The following MAP4K4 variants were observed in gnomAD, a reference collection of about 807,000 sequenced individuals.
The protein encoded by MAP4K4 is HPK/GCK-like kinase HGK.
MAP4K4 carries 38 observed loss-of-function variants against 189.6 expected under a neutral mutation model. That is an observed-to-expected ratio of 0.20 (90% CI 0.15 to 0.26). The LOEUF (loss-of-function observed/expected upper bound fraction) is 0.26. Ranked by LOEUF, MAP4K4 falls within the 10% of genes least tolerant of loss-of-function variation. MAP4K4 has a pLI of 1.00. For missense variants in MAP4K4, 1,054 were observed against 1,726.9 expected, an observed-to-expected ratio of 0.61 and a Z score of 6.91; for synonymous variants, 610 against 624.3, an observed-to-expected ratio of 0.98 and a Z score of 0.34.
In MAP4K4 at chr2:101,730,290, T is replaced by C. The variant is rs1024689880; in HGVS notation, c.123+31752T>C. On this transcript the variant is annotated intron_variant, in intron 2 of 32. Coordinates refer to ENST00000324219, the Ensembl canonical transcript of MAP4K4. ...AAAACTCCTTTCCTGCTTTGTGATA[T>C]GATCATGAGTCTGGGGTGGAGAAGT... Among the ~76,000 whole-genome samples the C allele has an allele frequency of 4.5e-4, 69 of 152,212 alleles. 4 individuals carry two copies. Among genetic ancestry groups the C allele is most frequent in the Non-Finnish European group, 8.8e-5 (6 of 68,040 alleles).
chr2:101,716,164 C>A (rs115687610), intron 2 of MAP4K4, among the ~76,000 whole-genome samples: 1,590 of 152,352 alleles, frequency 0.01, 36 homozygotes, highest in African/African-American at 0.036. Flanking sequence ...AAAAATACTA[C>A]AGATGGCCGT....
At chr2:101,730,194 A>G (rs2057790391) in intron 2 of MAP4K4, among the ~76,000 whole-genome samples, 2 of 152,160 alleles carry the variant, frequency 1.3e-5, no homozygotes, top group African/African-American at 4.8e-5. Context: ...CTTCTTTGAA[A>G]TGGCTATATG....
At chr2:101,849,051 C>CACTCAT (rs1405809439) in intron 12 of MAP4K4, among the ~76,000 whole-genome samples, 8 of 152,090 alleles carry the variant, frequency 5.3e-5, no homozygotes, top group Non-Finnish European at 1.0e-4. Context: ...CTTCTGGGTA[C>CACTCAT]ACTCATATTT....
chr2:101,885,420 T>G, intron 29 of MAP4K4, 133 bp downstream of exon 29: 1 of 543,270 alleles, frequency 1.8e-6, no homozygotes, highest in African/African-American at 1.9e-5. Flanking sequence ...GCATATAACT[T>G]TATCATAAAC....
intron 2 of MAP4K4, among the ~76,000 whole-genome samples, chr2:101,711,970 GC>G (rs1287057717): frequency 1.4e-5 from 2 of 139,028 alleles, no homozygotes; most frequent in African/African-American, 5.5e-5. Context: ...AGTCTGTCTT[GC>G]CCTTTTTTTT....
At chr2:101,882,330 T>C (rs913949845) in intron 27 of MAP4K4, among the ~76,000 whole-genome samples, 1 of 152,256 alleles carries the variant, frequency 6.6e-6, no homozygotes. Flanking sequence ...TTTTCTATTG[T>C]TATCTCCTGT....
chr2:101,880,983 C>G lies in MAP4K4; in HGVS notation c.3386-1568C>G, dbSNP rs527355732. On this transcript the variant is annotated intron_variant, in intron 27 of 32. Transcript: ENST00000324219. ...GTGGACTGTGTTGGGTCTTTTGCCT[C>G]TAGAGTCAGCTTATTGATATGTACA... is the stretch of plus-strand genomic sequence containing the variant. Among the ~76,000 whole-genome samples the G allele has an allele frequency of 4.7e-3, 712 of 152,180 alleles. 6 individuals are homozygous for G. The highest frequency in any genetic ancestry group is 0.017 in the African/African-American group (685 of 41,514).
intron 3 of MAP4K4, among the ~76,000 whole-genome samples, chr2:101,822,871 T>C (rs1165117983): frequency 6.6e-6 from 1 of 152,198 alleles, no homozygotes; most frequent in Non-Finnish European, 1.5e-5. Context: ...TATAGGGGAT[T>C]CTAGAGATCT....
intron 13 of MAP4K4, among the ~76,000 whole-genome samples, chr2:101,858,525 C>T (rs1021102789): frequency 4.6e-5 from 7 of 152,222 alleles, no homozygotes; most frequent in African/African-American, 1.7e-4. Flanking sequence ...AAGCATGAAT[C>T]ATGTTTGTTG....
At chr2:101,730,882 C>CA (rs1483048483) in intron 2 of MAP4K4, among the ~76,000 whole-genome samples, 2 of 151,552 alleles carry the variant, frequency 1.3e-5, no homozygotes, top group Non-Finnish European at 2.9e-5. Context: ...CCCATCTCTA[C>CA]AAAAAACGCA....
At chr2:101,712,440 T>C (rs2046147204) in intron 2 of MAP4K4, among the ~76,000 whole-genome samples, 1 of 152,166 alleles carries the variant, frequency 6.6e-6, no homozygotes, top group South Asian at 2.1e-4. Flanking sequence ...GTGATCTGCC[T>C]GCCTTGGCCT....
Position 101,835,882 on chromosome 2 carries a change from A to G in MAP4K4, c.695-18A>G, listed in dbSNP as rs773139741. The G allele has an allele frequency of 1.3e-6, 2 of 1,571,500 alleles. No individual in the cohort carries two copies. The highest frequency in any genetic ancestry group is 2.2e-5 in the South Asian group (2 of 90,014). ...GTGAAATAAGTGCCATACTGACACG[A>G]CCGTCTCCTCTCCCCAGCTCTCTGT... On this transcript the variant is annotated intron_variant, in intron 8 of 32. Coordinates refer to ENST00000324219, the Ensembl canonical transcript of MAP4K4.
chr2:101,855,873 T>C, intron 12 of MAP4K4, 104 bp from the exon 13 acceptor site: 1 of 1,139,242 alleles, frequency 8.8e-7, no homozygotes, highest in Non-Finnish European at 1.2e-6. Flanking sequence ...CCCATGAACC[T>C]CACCTCATTA....
rs1312634325 is a variant in MAP4K4, at chr2:101,776,580, A to AC, written c.124-14133dup. Among the ~76,000 whole-genome samples the AC allele has an allele frequency of 7.3e-4, 13 of 17,824 alleles. 1 individual carries two copies. Among genetic ancestry groups the AC allele is most frequent in the African/African-American group, 1.7e-3 (9 of 5,240 alleles). 11.7% of individuals were successfully genotyped at this position (17,824 alleles called of 152,430 possible). ...ACAAAAAATGCACCCCCACCCCCCC[A>AC]CCCCCCCAAAAAAAAACACTATGGA... On this transcript the variant is annotated intron_variant, in intron 2 of 32. Transcript: ENST00000324219.
intron 2 of MAP4K4, among the ~76,000 whole-genome samples, chr2:101,739,967 T>G (rs987086183): frequency 6.6e-6 from 1 of 152,132 alleles, no homozygotes; most frequent in African/African-American, 2.4e-5. Flanking sequence ...GGAGGTCCAT[T>G]ATTTTACACT....
At chr2:101,792,354 A>G (rs781627661) in intron 3 of MAP4K4, among the ~76,000 whole-genome samples, 3 of 152,126 alleles carry the variant, frequency 2.0e-5, no homozygotes, top group Non-Finnish European at 4.4e-5. Context: ...TCACTCTTGT[A>G]GTGTCATTCA....
intron 2 of MAP4K4, among the ~76,000 whole-genome samples, chr2:101,704,811 A>G (rs1020826878): frequency 2.0e-5 from 3 of 151,820 alleles, no homozygotes; most frequent in African/African-American, 7.3e-5. Context: ...TTTTAGACAT[A>G]CAGGGAAAGA....
At chr2:101,723,030 G>T (rs1389721035) in intron 2 of MAP4K4, among the ~76,000 whole-genome samples, 1 of 152,214 alleles carries the variant, frequency 6.6e-6, no homozygotes, top group East Asian at 1.9e-4. Context: ...AGGCAAAGGG[G>T]AAGCCAGACA....
chr2:101,831,010 C>T (rs2096580487), intron 6 of MAP4K4, among the ~76,000 whole-genome samples: 1 of 152,202 alleles, frequency 6.6e-6, no homozygotes. Context: ...GCTCCTCCAC[C>T]TTTGCAGGTT....
Sources: allele counts gnomAD v4.1 joint callset (sites outside exome capture counted in the v4.1 genomes callset), GRCh38; gene constraint gnomAD v4.1.1; transcripts MANE v1.5; gene names NCBI Gene and HGNC (gene_info 2026-07-23, HGNC 2026-07-21).